MYLK4: variants seen among roughly 807,000 people sequenced by gnomAD.
MYLK4 encodes caMLCK like.
MYLK4 carries 46 observed loss-of-function variants against 48.1 expected under a neutral mutation model. The ratio of observed to expected loss-of-function variants is 0.96; its 90% CI spans 0.75 to 1.22. The LOEUF (loss-of-function observed/expected upper bound fraction) is 1.22, where lower values mean the gene tolerates loss of function less well. MYLK4 is among the 50% of genes most tolerant of loss of function. MYLK4 has a pLI of 0.00. For missense variants in MYLK4, 451 were observed against 486.1 expected (o/e 0.93, Z 0.68); for synonymous variants, 170 against 180.8 (o/e 0.94, Z 0.48).
chr6:2,750,106 C>T (rs1055635821), intron 1 of MYLK4, among the ~76,000 whole-genome samples: 1 of 152,112 alleles, frequency 6.6e-6, no homozygotes, highest in Non-Finnish European at 1.5e-5. Context: ...CACTTGATTG[C>T]ATAGAGAGGC....
At position 2,664,177 on chromosome 6, in the gene MYLK4, T is replaced by A. The variant is rs1230193134; in HGVS notation, c.*3748A>T. ...GAAAATTTCTTAATCTCAAAAAGGCTTTCAGGGAGCATGGTGATGGATAAG... is the reference window on the plus strand; with the variant it reads ...GAAAATTTCTTAATCTCAAAAAGGCATTCAGGGAGCATGGTGATGGATAAG... On this transcript the variant is annotated 3_prime_UTR_variant, in exon 13 of 13. Transcript: ENST00000274643. 6.6e-6 allele frequency: 1 copy of A among 152,226 alleles called. No individual in the cohort carries two copies. The highest frequency in any genetic ancestry group is 1.5e-5 in the Non-Finnish European group (1 of 68,052). 9.4% of individuals were successfully genotyped at this position (152,226 alleles called of 1,614,324 possible).
At chr6:2,748,412 G>C (rs1216054806) in intron 2 of MYLK4, among the ~76,000 whole-genome samples, 2 of 152,160 alleles carry the variant, frequency 1.3e-5, no homozygotes, top group Non-Finnish European at 2.9e-5. Context: ...TGCTCCCACC[G>C]GGCAAGGAGC....
intron 2 of MYLK4, among the ~76,000 whole-genome samples, chr6:2,696,009 G>T (rs1762047665): frequency 6.6e-6 from 1 of 152,162 alleles, no homozygotes; most frequent in South Asian, 2.1e-4. Flanking sequence ...TCGATGGCTG[G>T]GATGAACCTA....
At chr6:2,764,277 G>T in the MYLK4 span, among the ~76,000 whole-genome samples, 1 of 152,138 alleles carries the variant, frequency 6.6e-6, no homozygotes, top group African/African-American at 2.4e-5. Context: ...AGCCAGCCAG[G>T]CGTGGTGGCT....
chr6:2,676,785 C>G (rs1263376038), intron 10 of MYLK4, among the ~76,000 whole-genome samples: 15 of 152,178 alleles, frequency 9.9e-5, no homozygotes, highest in Non-Finnish European at 1.5e-5. Context: ...CAGCACTGCT[C>G]TCAGCCTCAG....
intron 2 of MYLK4, among the ~76,000 whole-genome samples, chr6:2,722,510 G>A (rs1763104601): frequency 9.5e-6 from 1 of 105,302 alleles, no homozygotes. Context: ...GGACATAAAA[G>A]GAGTGTGTGT....
chr6:2,693,532 C>A (rs1027258436), intron 2 of MYLK4, among the ~76,000 whole-genome samples: 2 of 152,160 alleles, frequency 1.3e-5, no homozygotes, highest in Non-Finnish European at 2.9e-5. Flanking sequence ...GTTGAGCAAA[C>A]CGTTAGCTAA....
At chr6:2,702,828 C>T (rs1762339573) in intron 2 of MYLK4, among the ~76,000 whole-genome samples, 3 of 152,162 alleles carry the variant, frequency 2.0e-5, no homozygotes, top group Admixed American at 1.3e-4. Context: ...ACAGCTAGTA[C>T]ATACCCTCCA....
At chr6:2,682,660 G>C (rs570088111) in intron 7 of MYLK4, among the ~76,000 whole-genome samples, 2 of 152,190 alleles carry the variant, frequency 1.3e-5, no homozygotes, top group Non-Finnish European at 2.9e-5. Flanking sequence ...CTACTACTTA[G>C]GGAATTCTGA....
the MYLK4 span, among the ~76,000 whole-genome samples, chr6:2,767,713 G>A: frequency 1.3e-5 from 2 of 152,174 alleles, no homozygotes; most frequent in African/African-American, 4.8e-5. Context: ...GCTGTTGGTG[G>A]CCCCAGACAG....
chr6:2,701,328 C>T (rs775474509), intron 2 of MYLK4, among the ~76,000 whole-genome samples: 4 of 152,094 alleles, frequency 2.6e-5, no homozygotes, highest in African/African-American at 7.2e-5. Flanking sequence ...AAGTTCAGTT[C>T]GGCCTCCCCG....
At chr6:2,683,391 T>G (rs58339098) in intron 6 of MYLK4, among the ~76,000 whole-genome samples, 1,395 of 126,648 alleles carry the variant, frequency 0.011, 36 homozygotes, top group African/African-American at 0.033. Flanking sequence ...CCCCACCTTT[T>G]TGTGTGTGTG....
rs962740613 is a variant in MYLK4, at chr6:2,686,033, A to C, written c.342-457T>G. 2.1e-5 allele frequency among the ~76,000 whole-genome samples: 3 copies of C among 145,708 alleles called. No homozygotes were observed. The Admixed American group carries it at 2.2e-4, about 11-fold the overall frequency. On this transcript the variant is annotated intron_variant, in intron 4 of 12. Coordinates refer to ENST00000274643, the MANE Select transcript of MYLK4 (RefSeq NM_001012418.5). ...CAGTGGGCCGAGATCGCGCCATTGC[A>C]CTCCAGCCTGGGCGACAGTGCAAGA...
At chr6:2,670,510 G>A (rs942434375) in intron 12 of MYLK4, among the ~76,000 whole-genome samples, 1 of 152,178 alleles carries the variant, frequency 6.6e-6, no homozygotes, top group African/African-American at 2.4e-5. Flanking sequence ...TTGCTGCAGG[G>A]TCTAGGCCCC....
At chr6:2,703,662 A>AC (rs1762380854) in intron 2 of MYLK4, among the ~76,000 whole-genome samples, 1 of 62,138 alleles carries the variant, frequency 1.6e-5, no homozygotes, top group African/African-American at 6.6e-5. Context: ...CCCTTTGTGA[A>AC]TTCTTTTTTT....
At chr6:2,740,949 T>C (rs1357359096) in intron 2 of MYLK4, among the ~76,000 whole-genome samples, 2 of 152,228 alleles carry the variant, frequency 1.3e-5, no homozygotes, top group Non-Finnish European at 2.9e-5. Flanking sequence ...GGCCACTTCA[T>C]TGCAAGAGAC....
In MYLK4 at chr6:2,678,333, AG is replaced by A. The variant is rs771067989; in HGVS notation, c.926del (p.Ala309ValfsTer4). 2.7e-5 allele frequency: 43 copies of A among 1,613,954 alleles called. No individual in the cohort carries two copies. Among genetic ancestry groups the A allele is most frequent in the Non-Finnish European group, 3.6e-5 (42 of 1,180,028 alleles). On this transcript the variant is annotated frameshift_variant, in exon 10 of 13. Transcript: ENST00000274643. LOFTEE classifies it high-confidence loss of function. ...GLSPFLGDND[A>X]ETLNNILACR... ...AGGCCAGGATGTTGTTCAGCGTCTCAGCATCATTGTCACCCAGGAAAGGCGA... is the reference window on the plus strand; with the variant it reads ...AGGCCAGGATGTTGTTCAGCGTCTCACATCATTGTCACCCAGGAAAGGCGA...
At chr6:2,762,754 G>C in the MYLK4 span, among the ~76,000 whole-genome samples, 1 of 152,138 alleles carries the variant, frequency 6.6e-6, no homozygotes, top group Non-Finnish European at 1.5e-5. Context: ...TCTTCTTTCT[G>C]GTAGCTTCCT....
At chr6:2,669,226 A>G (rs1408662680) in intron 12 of MYLK4, among the ~76,000 whole-genome samples, 3 of 152,266 alleles carry the variant, frequency 2.0e-5, no homozygotes, top group Non-Finnish European at 2.9e-5. Context: ...AGCCAGCTCC[A>G]TGGCTGTCAG....
Sources: allele counts gnomAD v4.1 joint callset (sites outside exome capture counted in the v4.1 genomes callset), GRCh38; gene constraint gnomAD v4.1.1; transcripts MANE v1.5; gene names NCBI Gene and HGNC (gene_info 2026-07-23, HGNC 2026-07-21).